Variants in MCM3AP observed in about 807,000 individuals in gnomAD.
MCM3AP encodes the protein germinal-center associated nuclear protein.
A neutral mutation model predicts 184.1 loss-of-function variants in MCM3AP; 126 were observed. The observed-to-expected ratio is 0.68, with a 90% CI of 0.59 to 0.79. The LOEUF (loss-of-function observed/expected upper bound fraction) is 0.79. Among genes scored for constraint, MCM3AP ranks in the 30% least tolerant of loss-of-function variants. MCM3AP has a pLI of 0.00. For missense variants in MCM3AP, 2,496 were observed against 2,479.2 expected (o/e 1.01, Z -0.14); for synonymous variants, 1,002 against 979.3 (o/e 1.02, Z -0.43).
chr21:46,271,952 A>G (rs1405922594), intron 8 of MCM3AP, among the ~76,000 whole-genome samples: 1 of 151,864 alleles, frequency 6.6e-6, no homozygotes, highest in Non-Finnish European at 1.5e-5. Flanking sequence ...AAAAAAAAAG[A>G]GGTTCACCAT....
rs375088131 is a variant in MCM3AP, at chr21:46,277,515, C to A, written c.1858+12G>T. 8.1e-5 allele frequency: 124 copies of A among 1,530,518 alleles called. No individual in the cohort carries two copies. The highest frequency in any genetic ancestry group is 4.8e-4 in the Middle Eastern group (2 of 4,210). 94.8% of individuals were successfully genotyped at this position (1,530,518 alleles called of 1,614,324 possible). A position where few individuals can be genotyped will look rare whatever the true frequency, so the allele number is the denominator to read the frequency against. ...ACCAGGCCCCTAGAACCTCTGCCAC[C>A]AAGTGCCATACCTTGCCGCATGATC... On this transcript the variant is annotated intron_variant, in intron 5 of 27. Transcript: ENST00000291688.
At chr21:46,278,987 A>AG (rs773913985) in intron 4 of MCM3AP, among the ~76,000 whole-genome samples, 1 of 149,114 alleles carries the variant, frequency 6.7e-6, no homozygotes, top group Non-Finnish European at 1.5e-5. Context: ...ACAGCTCTTC[A>AG]GGAAAAAAAA....
intron 26 of MCM3AP, among the ~76,000 whole-genome samples, chr21:46,239,744 A>T (rs923810872): frequency 1.3e-5 from 2 of 152,164 alleles, no homozygotes; most frequent in Admixed American, 1.3e-4. Flanking sequence ...ATGAAACTGG[A>T]TGAAATTTCT....
rs766484343 is a variant in MCM3AP at position 46,246,904 on chromosome 21, T to C, written c.4291-18A>G. ...TGGGCCACCTGCAACAGCATCAAGATCATCAGGAGAGATGCACCATGGGAC... is the reference window on the plus strand; with the variant it reads ...TGGGCCACCTGCAACAGCATCAAGACCATCAGGAGAGATGCACCATGGGAC... On this transcript the variant is annotated intron_variant, in intron 20 of 27. Coordinates refer to ENST00000291688, the MANE Select transcript of MCM3AP (RefSeq NM_003906.5). 1.9e-6 allele frequency: 3 copies of C among 1,611,012 alleles called. No individual in the cohort carries two copies. The highest frequency in any genetic ancestry group is 2.5e-6 in the Non-Finnish European group (3 of 1,177,742).
At chr21:46,259,441 G>GCGAGAC (rs1383038265) in intron 15 of MCM3AP, 1 of 158,248 alleles carries the variant, frequency 6.3e-6, no homozygotes, top group Non-Finnish European at 1.4e-5. Context: ...GGACGACAGA[G>GCGAGAC]CGAGACTCCG....
chr21:46,271,468 A>G (rs570620787), intron 8 of MCM3AP, among the ~76,000 whole-genome samples: 2 of 152,090 alleles, frequency 1.3e-5, no homozygotes, highest in East Asian at 3.9e-4. Flanking sequence ...CGCTGGAACT[A>G]CAGGCACACA....
At chr21:46,251,807 C>T (rs549716772) in intron 19 of MCM3AP, 125 bp from the exon 20 acceptor site, 1 of 572,572 alleles carries the variant, frequency 1.7e-6, no homozygotes, top group Non-Finnish European at 3.1e-6. Flanking sequence ...TCCACAAATA[C>T]CACATCTTAC....
rs1285110475 is a variant in MCM3AP at position 46,263,418 on chromosome 21, A to T, written c.3335+699T>A. Among the ~76,000 whole-genome samples, 4 of 152,220 alleles carry T rather than the reference A, an allele frequency of 2.6e-5. No homozygotes were observed. In the East Asian group the frequency reaches 7.7e-4, roughly 29 times the overall value. On this transcript the variant is annotated intron_variant, in intron 13 of 27. Coordinates refer to ENST00000291688, the MANE Select transcript of MCM3AP (RefSeq NM_003906.5). Reference sequence around the variant, plus strand: ...TTGAAAACTACAAAGCATTGTCGAAAGAAATTAAGAATGACCTAAATAAAT... The same window carrying T: ...TTGAAAACTACAAAGCATTGTCGAATGAAATTAAGAATGACCTAAATAAAT...
intron 9 of MCM3AP, among the ~76,000 whole-genome samples, chr21:46,268,509 G>C (rs957122858): frequency 2.6e-5 from 4 of 152,246 alleles, no homozygotes; most frequent in Non-Finnish European, 5.9e-5. Context: ...CAGATGGGCA[G>C]GGAGAGCAGG....
intron 4 of MCM3AP, 125 bp downstream of exon 4, chr21:46,279,868 T>A: frequency 8.8e-5 from 72 of 815,748 alleles, no homozygotes; most frequent in Middle Eastern, 4.0e-4. Context: ...CCCCCAACCA[T>A]CCCTAGCAAC....
chr21:46,279,059 G>C (rs1025737623), intron 4 of MCM3AP, among the ~76,000 whole-genome samples: 7 of 151,584 alleles, frequency 4.6e-5, no homozygotes, highest in African/African-American at 7.3e-5. Context: ...GGTTTGGCCG[G>C]GCATGCATCT....
intron 20 of MCM3AP, among the ~76,000 whole-genome samples, chr21:46,249,088 G>C (rs141172264): frequency 1.5e-4 from 23 of 152,294 alleles, no homozygotes; most frequent in African/African-American, 5.3e-4. Context: ...GCCATGAACA[G>C]AGAGAAAAGG....
At chr21:46,239,816 G>A (rs144979451) in intron 26 of MCM3AP, among the ~76,000 whole-genome samples, 54 of 152,178 alleles carry the variant, frequency 3.5e-4, no homozygotes, top group African/African-American at 1.3e-3. Context: ...GGGCAGCTGG[G>A]GGATGAGGAG....
intron 27 of MCM3AP, chr21:46,236,234 AG>A (rs1451910484): frequency 6.6e-6 from 1 of 152,260 alleles, no homozygotes; most frequent in Non-Finnish European, 1.5e-5. Flanking sequence ...GACTTCCTAA[AG>A]CCAGTCCAGG....
At position 46,241,028 on chromosome 21, in the gene MCM3AP, A is replaced by G. The variant is rs2080654322; in HGVS notation, c.5427-11T>C. 5.0e-6 allele frequency: 8 copies of G among 1,585,606 alleles called. No individual in the cohort carries two copies. The highest frequency in any genetic ancestry group is 4.5e-5 in the East Asian group (2 of 44,760). ...GGCTTTATTGCCAAACTGTAAGTACATGATTTGAAATGTTTATGGTCAAGA... is the reference window on the plus strand; with the variant it reads ...GGCTTTATTGCCAAACTGTAAGTACGTGATTTGAAATGTTTATGGTCAAGA... On this transcript the variant is annotated splice_polypyrimidine_tract_variant and intron_variant, in intron 25 of 27. Coordinates refer to ENST00000291688, the MANE Select transcript of MCM3AP (RefSeq NM_003906.5).
chr21:46,277,497 C>G (rs1186969314), intron 5 of MCM3AP, 30 bp downstream of exon 5: 1 of 1,501,538 alleles, frequency 6.7e-7, no homozygotes, highest in East Asian at 2.4e-5. Flanking sequence ...CTCACCAGGC[C>G]CCTAGAACCT....
rs532139338 is a variant in MCM3AP, at chr21:46,270,646, T to C, written c.2466-83A>G. ...TCATGAAGATAGATCTGATAAATAATAGATTTCACTGGCCAGATGCAGTGG... is the reference window on the plus strand; with the variant it reads ...TCATGAAGATAGATCTGATAAATAACAGATTTCACTGGCCAGATGCAGTGG... On this transcript the variant is annotated intron_variant, in intron 8 of 27. Coordinates refer to ENST00000291688, the MANE Select transcript of MCM3AP (RefSeq NM_003906.5). 3 of 1,216,568 alleles carry C rather than the reference T, an allele frequency of 2.5e-6. No homozygotes were observed. The East Asian group carries it at 7.2e-5, about 29-fold the overall frequency. The allele number at this position is 1,216,568 out of a possible 1,614,324, so 75.4% of individuals were successfully genotyped here. A position where few individuals can be genotyped will look rare whatever the true frequency, so the allele number is the denominator to read the frequency against.
chr21:46,282,901 G>A (rs13046891), intron 2 of MCM3AP, among the ~76,000 whole-genome samples: 1 of 152,128 alleles, frequency 6.6e-6, no homozygotes, highest in African/African-American at 2.4e-5. Context: ...CTAGAGGACA[G>A]ACTGACAAGG....
rs139977373 is a variant in MCM3AP, at chr21:46,265,537, T to C, written c.3032-14A>G. On this transcript the variant is annotated splice_polypyrimidine_tract_variant and intron_variant, in intron 11 of 27. Transcript: ENST00000291688. ...CTCTCCCTCCGCCTGGAAGGAAACA[T>C]ACAGGACAAAACATAGCTGCAGACA... is the stretch of plus-strand genomic sequence containing the variant. The C allele has an allele frequency of 6.6e-5, 104 of 1,569,008 alleles. No individual in the cohort carries two copies. The African/African-American group carries it at 1.2e-3, about 18-fold the overall frequency.
Sources: gnomAD v4.1 joint callset for allele counts (sites outside exome capture counted in the v4.1 genomes callset) on GRCh38, gnomAD v4.1.1 for gene constraint, MANE v1.5 for transcripts, NCBI Gene and HGNC (gene_info 2026-07-23, HGNC 2026-07-21) for gene names.